Variants in TMC1 observed in about 807,000 individuals in gnomAD.
TMC1 encodes the protein transmembrane channel like 1.
TMC1 carries 84 observed loss-of-function variants against 105.8 expected under a neutral mutation model. The observed-to-expected ratio is 0.79, with a 90% confidence interval of 0.67 to 0.95. The LOEUF (loss-of-function observed/expected upper bound fraction) is 0.95. TMC1 is among the 40% of genes least tolerant of loss of function. The pLI is 0.00. For missense variants in TMC1, 817 were observed against 914.1 expected (o/e 0.89, Z 1.37); for synonymous variants, 315 against 311.5 (o/e 1.01, Z -0.12).
chr9:72,666,947 G>T (rs1045497963), intron 5 of TMC1, among the ~76,000 whole-genome samples: 2 of 151,758 alleles, frequency 1.3e-5, no homozygotes, highest in African/African-American at 4.8e-5. Context: ...ACACATGGTG[G>T]CGTGTGCCTG....
At chr9:72,754,689 G>A (rs1827643574) in intron 11 of TMC1, 97 bp from the exon 12 acceptor site, 1 of 927,120 alleles carries the variant, frequency 1.1e-6, no homozygotes, top group African/African-American at 1.6e-5. Context: ...CCATAAAAAT[G>A]TTTCAGAAGG....
At chr9:72,815,314 AGTGTT>A (rs1232173535) in intron 18 of TMC1, among the ~76,000 whole-genome samples, 1 of 152,090 alleles carries the variant, frequency 6.6e-6, no homozygotes, top group Non-Finnish European at 1.5e-5. Flanking sequence ...AAAACAGCCT[AGTGTT>A]GCTGCCCTGA....
chr9:72,806,410 A>C (rs1588092841), intron 18 of TMC1, among the ~76,000 whole-genome samples: 2 of 137,944 alleles, frequency 1.4e-5, no homozygotes, highest in African/African-American at 2.8e-5. Context: ...TGACGCCCCC[A>C]CCTCCCTCCC....
chr9:72,791,204 C>A (rs188783422), intron 15 of TMC1, among the ~76,000 whole-genome samples: 2 of 151,986 alleles, frequency 1.3e-5, no homozygotes, highest in Non-Finnish European at 2.9e-5. Context: ...TCTCTCCCCC[C>A]TCTCCCCACC....
chr9:72,588,876 A>G (rs772291530), intron 2 of TMC1, among the ~76,000 whole-genome samples: 3 of 151,758 alleles, frequency 2.0e-5, no homozygotes, highest in Admixed American at 6.6e-5. Context: ...CCTGGGTTCA[A>G]GTGATTCTCC....
intron 18 of TMC1, among the ~76,000 whole-genome samples, chr9:72,808,655 A>T (rs533752145): frequency 6.6e-6 from 1 of 152,318 alleles, no homozygotes; most frequent in South Asian, 2.1e-4. Flanking sequence ...TTTTTGCACC[A>T]TCAAGGCAGC....
intron 3 of TMC1, among the ~76,000 whole-genome samples, chr9:72,623,381 T>C (rs2132129353): frequency 6.6e-6 from 1 of 152,272 alleles, no homozygotes; most frequent in South Asian, 2.1e-4. Flanking sequence ...GTCTATGGGC[T>C]CTGCCAAACA....
chr9:72,821,397 G>A (rs1828869865), intron 20 of TMC1, among the ~76,000 whole-genome samples: 1 of 152,020 alleles, frequency 6.6e-6, no homozygotes, highest in Non-Finnish European at 1.5e-5. Context: ...TGCTACTTGA[G>A]AGGCTGAGGC....
At chr9:72,598,231 A>C (rs1384450625) in intron 2 of TMC1, among the ~76,000 whole-genome samples, 1 of 152,136 alleles carries the variant, frequency 6.6e-6, no homozygotes, top group East Asian at 1.9e-4. Flanking sequence ...GCTCTGGGAA[A>C]TCTACTCACA....
At chr9:72,582,283 A>G (rs981641223) in intron 2 of TMC1, among the ~76,000 whole-genome samples, 3 of 152,248 alleles carry the variant, frequency 2.0e-5, no homozygotes, top group African/African-American at 7.2e-5. Context: ...TAAACATGCA[A>G]AGATTTGTAA....
chr9:72,550,522 C>G (rs7038477), intron 1 of TMC1, among the ~76,000 whole-genome samples: 79,282 of 150,854 alleles, frequency 0.53, 21,715 homozygotes, highest in African/African-American at 0.69. Context: ...GCAGGGCAAG[C>G]TGGCGGGCGC....
At chr9:72,522,527 AGG>A (rs895794303) in intron 1 of TMC1, among the ~76,000 whole-genome samples, 3 of 152,228 alleles carry the variant, frequency 2.0e-5, no homozygotes, top group African/African-American at 7.2e-5. Context: ...ATGACAGTAA[AGG>A]GGGACAGTGA....
intron 20 of TMC1, among the ~76,000 whole-genome samples, chr9:72,822,542 G>GTGTA (rs1554730534): frequency 6.6e-6 from 1 of 151,374 alleles, no homozygotes; most frequent in Non-Finnish European, 1.5e-5. Context: ...GTGTGTGTGT[G>GTGTA]TGTGTGTGTG....
At chr9:72,717,142 C>T (rs1466878904) in intron 8 of TMC1, among the ~76,000 whole-genome samples, 1 of 152,182 alleles carries the variant, frequency 6.6e-6, no homozygotes, top group Non-Finnish European at 1.5e-5. Context: ...GTTGGAAATG[C>T]AGAAATCACC....
intron 8 of TMC1, among the ~76,000 whole-genome samples, chr9:72,725,950 A>G (rs1265972477): frequency 6.6e-6 from 1 of 152,174 alleles, no homozygotes; most frequent in Non-Finnish European, 1.5e-5. Flanking sequence ...TCAGCCTCCC[A>G]AAGTGCTGGG....
intron 12 of TMC1, among the ~76,000 whole-genome samples, chr9:72,760,734 T>A (rs1448073986): frequency 6.6e-6 from 1 of 152,092 alleles, no homozygotes; most frequent in East Asian, 1.9e-4. Flanking sequence ...TACAGAATAA[T>A]GTAAGATAAA....
chr9:72,811,285 AC>A (rs1223819161), intron 18 of TMC1, among the ~76,000 whole-genome samples: 1 of 152,198 alleles, frequency 6.6e-6, no homozygotes, highest in Non-Finnish European at 1.5e-5. Context: ...TAATGTTATC[AC>A]AACAAACCTA....
chr9:72,640,023 A>G (rs971378899), intron 4 of TMC1, among the ~76,000 whole-genome samples: 2 of 152,334 alleles, frequency 1.3e-5, no homozygotes, highest in African/African-American at 4.8e-5. Flanking sequence ...TTAATAAAAC[A>G]TATTTCTGGT....
At position 72,740,142 on chromosome 9, in the gene TMC1, A is replaced by T. The variant is rs749978207; in HGVS notation, c.386A>T (p.Glu129Val). ...VLKEAKKFVSENEGALGKGKG... is the reference protein window; with the variant it reads ...VLKEAKKFVSVNEGALGKGKG... ...AGGGAGGCAAAAAAATTTGTGAGTG[A>T]AAATGAAGGGGCTCTTGGGAAAGGA... Residue 129 changes from glutamate (E) to valine (V), a missense_variant, in exon 9 of 24, where the codon GAA (glutamate) becomes GTA (valine). Glu to Val is a moderately radical substitution (Grantham distance 121, BLOSUM62 -2). Transcript: ENST00000297784. The T allele has an allele frequency of 1.2e-6, 2 of 1,613,694 alleles. No homozygotes were observed. Among genetic ancestry groups the T allele is most frequent in the South Asian group, 2.2e-5 (2 of 91,074 alleles).
Sources: gnomAD v4.1 joint callset for allele counts (sites outside exome capture counted in the v4.1 genomes callset) on GRCh38, gnomAD v4.1.1 for gene constraint, MANE v1.5 for transcripts, NCBI Gene and HGNC (gene_info 2026-07-23, HGNC 2026-07-21) for gene names.